Variants in MAP4K3 observed in about 807,000 individuals in gnomAD.
The protein encoded by MAP4K3 is MAPK/ERK kinase kinase kinase 3.
Under a neutral mutation model 143.5 loss-of-function variants are expected in MAP4K3, and 94 were observed. The observed-to-expected ratio is 0.65, with a 90% CI of 0.55 to 0.78. MAP4K3 has a LOEUF of 0.78. Ranked by LOEUF, MAP4K3 falls within the 30% of genes least tolerant of loss-of-function variation. The probability of loss-of-function intolerance (pLI) is 0.00; values close to 1 mark genes in which losing one functional copy is unlikely to be tolerated. For synonymous variants in MAP4K3, 416 were observed against 347.2 expected (o/e 1.20, Z -2.20); for missense variants, 1,077 against 1,068.1 (o/e 1.01, Z -0.12).
chr2:39,259,710 A>C (rs1438650035), intron 29 of MAP4K3, among the ~76,000 whole-genome samples: 3 of 152,250 alleles, frequency 2.0e-5, no homozygotes, highest in Non-Finnish European at 4.4e-5. Context: ...GAAACATATA[A>C]AATGAAAAGT....
chr2:39,384,082 C>G (rs759905971), intron 1 of MAP4K3, among the ~76,000 whole-genome samples: 1 of 149,962 alleles, frequency 6.7e-6, no homozygotes, highest in Non-Finnish European at 1.5e-5. Flanking sequence ...CCATTGTCCT[C>G]AAGCCTGGGC....
intron 12 of MAP4K3, among the ~76,000 whole-genome samples, chr2:39,322,677 T>G (rs932872007): frequency 6.7e-6 from 1 of 148,486 alleles, no homozygotes; most frequent in Non-Finnish European, 1.5e-5. Context: ...TATTTTTTGT[T>G]TTTTTTTTTT....
In MAP4K3 at chr2:39,250,400, G is replaced by A; in HGVS notation, c.*218C>T. 1 of 480,126 alleles carries A rather than the reference G, an allele frequency of 2.1e-6. No individual in the cohort carries two copies. The highest frequency in any genetic ancestry group is 3.2e-5 in the East Asian group (1 of 31,028). 29.7% of individuals were successfully genotyped at this position (480,126 alleles called of 1,614,324 possible). ...AAAAAATACTGCCTATATGTACAAAGATTACATAACAATGAATTAAGCACT... is the reference window on the plus strand; with the variant it reads ...AAAAAATACTGCCTATATGTACAAAAATTACATAACAATGAATTAAGCACT... On this transcript the variant is annotated 3_prime_UTR_variant, in exon 34 of 34. Transcript: ENST00000263881.
intron 1 of MAP4K3, among the ~76,000 whole-genome samples, chr2:39,390,421 C>T (rs924122364): frequency 2.6e-5 from 4 of 152,204 alleles, no homozygotes; most frequent in African/African-American, 4.8e-5. Context: ...TTCCACACCA[C>T]GCAGACTCTG....
intron 16 of MAP4K3, among the ~76,000 whole-genome samples, chr2:39,299,324 T>TA (rs1682415484): frequency 1.3e-5 from 2 of 152,152 alleles, no homozygotes; most frequent in South Asian, 2.1e-4. Flanking sequence ...TATCTTACTT[T>TA]AAAAAAACCT....
intron 1 of MAP4K3, among the ~76,000 whole-genome samples, chr2:39,421,782 C>G (rs1027015591): frequency 6.6e-6 from 1 of 152,052 alleles, no homozygotes; most frequent in Non-Finnish European, 1.5e-5. Flanking sequence ...TCTCTTCTTG[C>G]TTATTCCTCC....
At chr2:39,389,769 A>G (rs902437101) in intron 1 of MAP4K3, among the ~76,000 whole-genome samples, 2 of 152,198 alleles carry the variant, frequency 1.3e-5, no homozygotes, top group African/African-American at 4.8e-5. Context: ...ATATTCTTCT[A>G]AAGGATGTAT....
intron 1 of MAP4K3, among the ~76,000 whole-genome samples, chr2:39,383,477 A>C (rs1666405546): frequency 6.6e-6 from 1 of 152,104 alleles, no homozygotes; most frequent in Non-Finnish European, 1.5e-5. Flanking sequence ...TAAAGATGAA[A>C]TTTGGGTGGG....
At chr2:39,276,659 T>C (rs532489457) in intron 24 of MAP4K3, among the ~76,000 whole-genome samples, 3 of 152,352 alleles carry the variant, frequency 2.0e-5, no homozygotes, top group African/African-American at 7.2e-5. Flanking sequence ...GACTAAATAA[T>C]ATATGTCAAG....
chr2:39,305,410 T>C (rs1682666518), intron 15 of MAP4K3, among the ~76,000 whole-genome samples: 2 of 152,192 alleles, frequency 1.3e-5, no homozygotes, highest in African/African-American at 4.8e-5. Flanking sequence ...CTGCTATTCT[T>C]AGCTAAAGAC....
chr2:39,262,986 G>A (rs1043025711), intron 28 of MAP4K3, among the ~76,000 whole-genome samples: 3 of 151,714 alleles, frequency 2.0e-5, no homozygotes, highest in Admixed American at 6.6e-5. Flanking sequence ...CCAGCTACTC[G>A]GGAGGCTGAG....
In MAP4K3 at chr2:39,421,989, C is replaced by T. The variant is rs74386916; in HGVS notation, c.96+14903G>A. Among the ~76,000 whole-genome samples, 387 of 151,518 alleles carry T rather than the reference C, an allele frequency of 2.6e-3. 3 individuals carry two copies. Among genetic ancestry groups the T allele is most frequent in the African/African-American group, 9.0e-3 (372 of 41,248 alleles). On this transcript the variant is annotated intron_variant, in intron 1 of 33. Coordinates refer to ENST00000263881, the MANE Select transcript of MAP4K3 (RefSeq NM_003618.4). ...TTACATAATACTTAATCACAAAATA[C>T]CCCATATTACTTAACGCTATAATTA...
chr2:39,333,505 C>A (rs765405089), intron 7 of MAP4K3, 27 bp downstream of exon 7: 3 of 1,563,846 alleles, frequency 1.9e-6, no homozygotes, highest in East Asian at 2.2e-5. Context: ...TAGATTTGTG[C>A]ACGTGACAAA....
At chr2:39,349,401 T>C (rs1665386602) in intron 3 of MAP4K3, among the ~76,000 whole-genome samples, 1 of 152,174 alleles carries the variant, frequency 6.6e-6, no homozygotes, top group African/African-American at 2.4e-5. Context: ...AGCTGATCTA[T>C]TTCTCTATAA....
chr2:39,372,429 A>C (rs1666107360), intron 2 of MAP4K3, among the ~76,000 whole-genome samples: 1 of 152,002 alleles, frequency 6.6e-6, no homozygotes, highest in African/African-American at 2.4e-5. Flanking sequence ...CAAAAATAGA[A>C]AAAATTATCC....
At chr2:39,280,104 C>A (rs1444950907) in intron 23 of MAP4K3, among the ~76,000 whole-genome samples, 168 bp downstream of exon 23, 1 of 151,930 alleles carries the variant, frequency 6.6e-6, no homozygotes, top group African/African-American at 2.4e-5. Context: ...TCACCTCAAA[C>A]ACTGATAACA....
At chr2:39,419,905 A>C (rs907084828) in intron 1 of MAP4K3, among the ~76,000 whole-genome samples, 1 of 152,216 alleles carries the variant, frequency 6.6e-6, no homozygotes, top group African/African-American at 2.4e-5. Context: ...AAGATGGTGG[A>C]GCACAGGATG....
chr2:39,261,243 C>T (rs1680554927), intron 28 of MAP4K3: 2 of 152,084 alleles, frequency 1.3e-5, no homozygotes, highest in Admixed American at 6.5e-5. Context: ...CAGAAAAAGT[C>T]ATAAATCAAA....
At chr2:39,408,764 G>C (rs1667161294) in intron 1 of MAP4K3, among the ~76,000 whole-genome samples, 1 of 152,152 alleles carries the variant, frequency 6.6e-6, no homozygotes, top group South Asian at 2.1e-4. Context: ...TGATGGAGAT[G>C]AGTGCTTCTA....
Sources: allele counts gnomAD v4.1 joint callset (sites outside exome capture counted in the v4.1 genomes callset), GRCh38; gene constraint gnomAD v4.1.1; transcripts MANE v1.5; gene names NCBI Gene and HGNC (gene_info 2026-07-23, HGNC 2026-07-21).